HMBOX1: variants seen among roughly 807,000 people sequenced by gnomAD.
HMBOX1 encodes the protein homeobox containing 1.
HMBOX1 carries 14 observed loss-of-function variants against 54.5 expected under a neutral mutation model. The observed-to-expected ratio is 0.26, with a 90% CI of 0.17 to 0.40. The LOEUF (loss-of-function observed/expected upper bound fraction) is 0.40, where lower values mean the gene tolerates loss of function less well. Ranked by LOEUF, HMBOX1 falls within the 10% of genes least tolerant of loss-of-function variation. The pLI is 1.00. For synonymous variants in HMBOX1, 160 were observed against 181.0 expected (o/e 0.88, Z 0.93); for missense variants, 332 against 514.4 (o/e 0.65, Z 3.43).
intron 1 of HMBOX1, chr8:28,891,078 T>A (rs1810815549): frequency 6.5e-6 from 1 of 152,806 alleles, no homozygotes; most frequent in African/African-American, 2.4e-5. Flanking sequence ...TGTACTTGTG[T>A]GCTCTGCTCG....
At chr8:28,951,277 C>T (rs148255197) in intron 1 of HMBOX1, among the ~76,000 whole-genome samples, 7,943 of 152,214 alleles carry the variant, frequency 0.052, 283 homozygotes, top group Non-Finnish European at 0.078. Context: ...GAACTACAGG[C>T]GCATGCCACT....
At chr8:29,012,343 T>TCTG (rs763618418) in intron 5 of HMBOX1, among the ~76,000 whole-genome samples, 189 of 152,232 alleles carry the variant, frequency 1.2e-3, no homozygotes, top group Non-Finnish European at 2.2e-3. Context: ...CAGACCTGAT[T>TCTG]GGAATCCACC....
chr8:28,976,227 C>G (rs1410829364), intron 3 of HMBOX1, among the ~76,000 whole-genome samples: 1 of 152,016 alleles, frequency 6.6e-6, no homozygotes, highest in African/African-American at 2.4e-5. Context: ...GGGAACCTTT[C>G]TGAAGTTTCA....
At chr8:28,922,932 A>AT (rs1817795220) in intron 1 of HMBOX1, among the ~76,000 whole-genome samples, 1 of 152,172 alleles carries the variant, frequency 6.6e-6, no homozygotes, top group Non-Finnish European at 1.5e-5. Flanking sequence ...AAGTAATACT[A>AT]TAAAAAAGCC....
intron 1 of HMBOX1, among the ~76,000 whole-genome samples, chr8:28,922,081 C>A (rs994895700): frequency 6.6e-6 from 1 of 152,094 alleles, no homozygotes; most frequent in African/African-American, 2.4e-5. Context: ...ATCTGTTGGT[C>A]CCACATCCAT....
intron 1 of HMBOX1, among the ~76,000 whole-genome samples, chr8:28,962,168 C>T (rs886901018): frequency 2.6e-5 from 4 of 152,054 alleles, no homozygotes; most frequent in Admixed American, 1.3e-4. Flanking sequence ...TAATCTGTCT[C>T]CTCTGCCAGA....
intron 5 of HMBOX1, among the ~76,000 whole-genome samples, chr8:29,011,696 A>G (rs973535165): frequency 6.6e-6 from 1 of 152,148 alleles, no homozygotes; most frequent in Non-Finnish European, 1.5e-5. Flanking sequence ...CTGGGCTGAT[A>G]GTGTTCTTCC....
chr8:28,978,707 C>A (rs1020996244), intron 3 of HMBOX1, among the ~76,000 whole-genome samples: 12 of 149,098 alleles, frequency 8.0e-5, no homozygotes, highest in Non-Finnish European at 1.8e-4. Context: ...GAATTGCTTG[C>A]GCCCGGTAGG....
intron 1 of HMBOX1, among the ~76,000 whole-genome samples, chr8:28,931,615 C>G (rs1819481422): frequency 6.6e-6 from 1 of 152,134 alleles, no homozygotes; most frequent in South Asian, 2.1e-4. Flanking sequence ...AATCACATCT[C>G]ACTGCAGCCT....
chr8:28,909,906 C>T (rs1815081554), intron 1 of HMBOX1, among the ~76,000 whole-genome samples: 1 of 151,810 alleles, frequency 6.6e-6, no homozygotes, highest in Non-Finnish European at 1.5e-5. Flanking sequence ...ATCACCCAGG[C>T]TGTAGTACTG....
Position 28,977,214 on chromosome 8 carries a change from C to A in HMBOX1, c.501-2857C>A, listed in dbSNP as rs1828553213. Among the ~76,000 whole-genome samples the A allele has an allele frequency of 1.3e-5, 2 of 151,918 alleles. 1 individual carries two copies. The highest frequency in any genetic ancestry group is 1.3e-4 in the Admixed American group (2 of 15,254). On this transcript the variant is annotated intron_variant, in intron 3 of 9. Coordinates refer to ENST00000287701, the MANE Select transcript of HMBOX1 (RefSeq NM_001135726.3). The stretch of plus-strand genomic sequence containing the variant: ...TTATCTCTTCTGTATGATTTAGTGT[C>A]CAGATGAATTTAATTTAAAATAAAT...
rs116487726 is a variant in HMBOX1, at chr8:28,998,689, A to C, written c.587-10383A>C. Among the ~76,000 whole-genome samples, 868 of 152,076 alleles carry C rather than the reference A, an allele frequency of 5.7e-3. 4 individuals are homozygous for C. The highest frequency in any genetic ancestry group is 0.02 in the African/African-American group (843 of 41,514). On this transcript the variant is annotated intron_variant, in intron 4 of 9. Coordinates refer to ENST00000287701, the MANE Select transcript of HMBOX1 (RefSeq NM_001135726.3). ...TCTGCCATTTTGCCATTTGTTTTCTATATGTGTTTCATCTTTTTGTTCCTC... is the reference window on the plus strand; with the variant it reads ...TCTGCCATTTTGCCATTTGTTTTCTCTATGTGTTTCATCTTTTTGTTCCTC...
chr8:29,005,772 G>A (rs1586426195), intron 4 of HMBOX1, among the ~76,000 whole-genome samples: 1 of 151,960 alleles, frequency 6.6e-6, no homozygotes, highest in South Asian at 2.1e-4. Flanking sequence ...GATTTCCATC[G>A]CTATAGATTA....
chr8:28,950,585 C>T (rs1823237646), intron 1 of HMBOX1, among the ~76,000 whole-genome samples: 2 of 152,130 alleles, frequency 1.3e-5, no homozygotes. Flanking sequence ...TGAAGTCAAA[C>T]CACAGATTGT....
intron 6 of HMBOX1, chr8:29,042,781 G>T (rs78793590): frequency 2.2e-6 from 1 of 444,850 alleles, no homozygotes; most frequent in Non-Finnish European, 4.5e-6. Context: ...TGCTGATTTC[G>T]CATGCCATGG....
At chr8:28,974,641 G>A (rs1828068136) in intron 3 of HMBOX1, among the ~76,000 whole-genome samples, 1 of 152,096 alleles carries the variant, frequency 6.6e-6, no homozygotes, top group Non-Finnish European at 1.5e-5. Flanking sequence ...AGACAAAATG[G>A]TCATGATCTC....
chr8:29,052,227 T>C lies in HMBOX1; in HGVS notation c.*1072T>C, dbSNP rs1386142044. ...GACTTCATAGTGGGGTTGTGCTGCT[T>C]ATCACAGATGCAGACACTTGCCCAG... On this transcript the variant is annotated 3_prime_UTR_variant, in exon 10 of 10. Transcript: ENST00000287701. The C allele has an allele frequency of 6.6e-6, 1 of 152,438 alleles. No individual in the cohort carries two copies. Among genetic ancestry groups the C allele is most frequent in the Admixed American group, 6.5e-5 (1 of 15,322 alleles). The allele number at this position is 152,438 out of a possible 1,614,324, so 9.4% of individuals were successfully genotyped here. A position where few individuals can be genotyped will look rare whatever the true frequency, so the allele number is the denominator to read the frequency against.
intron 4 of HMBOX1, among the ~76,000 whole-genome samples, chr8:29,004,510 AG>A (rs1833130930): frequency 6.6e-6 from 1 of 152,172 alleles, no homozygotes; most frequent in South Asian, 2.1e-4. Context: ...AGTGGAAGGG[AG>A]CGTGGTGTTT....
At chr8:28,895,674 C>CAAAAAAAAAAAAAA (rs544463520) in intron 1 of HMBOX1, among the ~76,000 whole-genome samples, 3 of 137,282 alleles carry the variant, frequency 2.2e-5, no homozygotes, top group African/African-American at 8.1e-5. Flanking sequence ...GACTCAGTCT[C>CAAAAAAAAAAAAAA]AAAAAAAAAA....
Sources: allele counts gnomAD v4.1 joint callset (sites outside exome capture counted in the v4.1 genomes callset), GRCh38; gene constraint gnomAD v4.1.1; transcripts MANE v1.5; gene names NCBI Gene and HGNC (gene_info 2026-07-23, HGNC 2026-07-21).